The following CHSY3 variants were observed in gnomAD, a reference collection of about 807,000 sequenced individuals.
CHSY3 encodes N-acetylgalactosaminyl-proteoglycan 3-beta-glucuronosyltransferase 3.
CHSY3 carries 35 observed loss-of-function variants against 67.2 expected under a neutral mutation model. The ratio of observed to expected loss-of-function variants is 0.52; its 90% CI spans 0.40 to 0.69. The LOEUF is 0.69. Among genes scored for constraint, CHSY3 ranks in the 30% least tolerant of loss-of-function variants. The pLI, the probability that CHSY3 is intolerant of heterozygous loss-of-function variation, is 0.00. For synonymous variants in CHSY3, 474 were observed against 434.7 expected (o/e 1.09, Z -1.12); for missense variants, 1,069 against 1,138.5 (o/e 0.94, Z 0.88).
At chr5:129,983,786 G>C (rs2149624648) in intron 2 of CHSY3, among the ~76,000 whole-genome samples, 1 of 152,124 alleles carries the variant, frequency 6.6e-6, no homozygotes, top group East Asian at 1.9e-4. Flanking sequence ...ATTTAATCCA[G>C]CTTCCAGGAA....
chr5:130,119,497 G>T (rs1767935062), intron 2 of CHSY3, among the ~76,000 whole-genome samples: 2 of 152,042 alleles, frequency 1.3e-5, no homozygotes, highest in African/African-American at 4.8e-5. Flanking sequence ...CAGGTCGCAG[G>T]GAGGAGCTCC....
At chr5:130,155,798 A>G (rs1019337967) in intron 2 of CHSY3, among the ~76,000 whole-genome samples, 1 of 152,212 alleles carries the variant, frequency 6.6e-6, no homozygotes, top group African/African-American at 2.4e-5. Context: ...AGGCCACTGC[A>G]TAGTTCCTGG....
intron 2 of CHSY3, among the ~76,000 whole-genome samples, chr5:130,083,094 C>T (rs1413492246): frequency 4.6e-5 from 7 of 151,952 alleles, no homozygotes; most frequent in African/African-American, 1.7e-4. Flanking sequence ...TCAATCATTT[C>T]CAATGTTGTA....
chr5:130,065,847 T>G (rs1402043308), intron 2 of CHSY3, among the ~76,000 whole-genome samples: 1 of 152,088 alleles, frequency 6.6e-6, no homozygotes, highest in Non-Finnish European at 1.5e-5. Context: ...AAATGTCTGG[T>G]TCACACAGTC....
At chr5:129,997,618 A>G (rs1763581781) in intron 2 of CHSY3, among the ~76,000 whole-genome samples, 1 of 152,008 alleles carries the variant, frequency 6.6e-6, no homozygotes, top group African/African-American at 2.4e-5. Context: ...TCAACTCATT[A>G]TTTACATTAG....
At chr5:129,984,972 C>T (rs1439491279) in intron 2 of CHSY3, among the ~76,000 whole-genome samples, 4 of 151,930 alleles carry the variant, frequency 2.6e-5, no homozygotes, top group Non-Finnish European at 5.9e-5. Context: ...ATTCTATAGG[C>T]TATTTATGCT....
chr5:129,919,472 G>A (rs901833753), intron 2 of CHSY3, among the ~76,000 whole-genome samples: 1 of 152,184 alleles, frequency 6.6e-6, no homozygotes, highest in Non-Finnish European at 1.5e-5. Flanking sequence ...AGGTTTAATG[G>A]ACTCACAGTT....
intron 2 of CHSY3, among the ~76,000 whole-genome samples, chr5:130,010,377 A>C (rs1341317889): frequency 6.6e-6 from 1 of 152,196 alleles, no homozygotes; most frequent in Non-Finnish European, 1.5e-5. Context: ...CTGTTCCTGA[A>C]GGACTTTTGG....
At chr5:130,003,481 T>C (rs139878923) in intron 2 of CHSY3, among the ~76,000 whole-genome samples, 144 of 152,234 alleles carry the variant, frequency 9.5e-4, no homozygotes, top group Non-Finnish European at 1.7e-3. Context: ...TTGGCTCAAG[T>C]TAGGCTCAGT....
intron 2 of CHSY3, among the ~76,000 whole-genome samples, chr5:130,034,965 A>G (rs1281043587): frequency 1.3e-5 from 2 of 152,108 alleles, no homozygotes; most frequent in Non-Finnish European, 2.9e-5. Context: ...GAGTGGACAG[A>G]GAAGGGAACA....
chr5:129,955,787 G>C (rs1245744530), intron 2 of CHSY3, among the ~76,000 whole-genome samples: 1 of 152,036 alleles, frequency 6.6e-6, no homozygotes, highest in Non-Finnish European at 1.5e-5. Flanking sequence ...AAGAATATGT[G>C]GTATTTGCTT....
chr5:130,090,846 G>A (rs1483498720), intron 2 of CHSY3, among the ~76,000 whole-genome samples: 1 of 152,078 alleles, frequency 6.6e-6, no homozygotes, highest in Non-Finnish European at 1.5e-5. Flanking sequence ...TCCCAACACA[G>A]AAACATTGTA....
At chr5:129,906,647 G>T (rs1011539707) in intron 1 of CHSY3, among the ~76,000 whole-genome samples, 1 of 152,220 alleles carries the variant, frequency 6.6e-6, no homozygotes, top group Non-Finnish European at 1.5e-5. Flanking sequence ...AATCTTTCCA[G>T]TCCAGCCAGT....
In CHSY3 at chr5:130,005,979, T is replaced by G. The variant is rs1284493211; in HGVS notation, c.1086+97619T>G. On this transcript the variant is annotated intron_variant, in intron 2 of 2. Coordinates refer to ENST00000305031, the MANE Select transcript of CHSY3 (RefSeq NM_175856.5). The stretch of plus-strand genomic sequence containing the variant: ...TAATGGGAATCCTGGAGGCATAAGA[T>G]ATAGAACTTAGTCTACTGGGCAAAT... Among the ~76,000 whole-genome samples, 6 of 152,278 alleles carry G rather than the reference T, an allele frequency of 3.9e-5. No individual in the cohort carries two copies. In the South Asian group the frequency reaches 6.2e-4, roughly 16 times the overall value.
intron 2 of CHSY3, among the ~76,000 whole-genome samples, chr5:130,061,774 C>G (rs1314857455): frequency 6.6e-6 from 1 of 151,728 alleles, no homozygotes; most frequent in Non-Finnish European, 1.5e-5. Context: ...AGAAGAAGTA[C>G]AAGTAGACAA....
chr5:129,938,991 A>C (rs1330955677), intron 2 of CHSY3, among the ~76,000 whole-genome samples: 1 of 152,314 alleles, frequency 6.6e-6, no homozygotes, highest in Middle Eastern at 3.4e-3. Flanking sequence ...CTATAAACAC[A>C]TAACTGAGAC....
chr5:129,906,941 A>C (rs1303201296), intron 1 of CHSY3, among the ~76,000 whole-genome samples: 1 of 152,204 alleles, frequency 6.6e-6, no homozygotes, highest in Non-Finnish European at 1.5e-5. Context: ...TTGGATTGGA[A>C]GGAGGGAAGT....
At chr5:130,059,404 T>TCG (rs150038819) in intron 2 of CHSY3, among the ~76,000 whole-genome samples, 10,237 of 151,532 alleles carry the variant, frequency 0.068, 1,166 homozygotes, top group African/African-American at 0.23. Flanking sequence ...TCTCTCTCTC[T>TCG]CTCGCTCTTC....
intron 2 of CHSY3, among the ~76,000 whole-genome samples, chr5:130,048,432 A>T (rs1026893784): frequency 6.6e-6 from 1 of 151,930 alleles, no homozygotes; most frequent in Non-Finnish European, 1.5e-5. Flanking sequence ...TTCAGTGTAT[A>T]CCTTTGGAAA....
Sources: gnomAD v4.1 joint callset for allele counts (sites outside exome capture counted in the v4.1 genomes callset) on GRCh38, gnomAD v4.1.1 for gene constraint, MANE v1.5 for transcripts, NCBI Gene and HGNC (gene_info 2026-07-23, HGNC 2026-07-21) for gene names.